Variants in TBCE observed in about 807,000 individuals in gnomAD.
The protein encoded by TBCE is tubulin-specific chaperone E.
In TBCE, 53 loss-of-function variants were observed where a neutral mutation model predicts 77.0. The ratio of observed to expected loss-of-function variants is 0.69; its 90% confidence interval spans 0.55 to 0.87. The LOEUF is 0.87. Among genes scored for constraint, TBCE ranks in the 40% least tolerant of loss-of-function variants. The pLI is 0.00. For synonymous variants in TBCE, 235 were observed against 241.3 expected, an observed-to-expected ratio of 0.97 and a Z score of 0.24; for missense variants, 624 against 622.4, an observed-to-expected ratio of 1.00 and a Z score of -0.03.
chr1:235,413,022 C>G (rs374618615), intron 3 of TBCE, among the ~76,000 whole-genome samples: 1 of 152,080 alleles, frequency 6.6e-6, no homozygotes, highest in Non-Finnish European at 1.5e-5. Flanking sequence ...AGGCTGATCT[C>G]GAACTCCTGA....
At chr1:235,436,028 T>A (rs1035068211) in intron 9 of TBCE, 188 bp downstream of exon 9, 20 of 628,352 alleles carry the variant, frequency 3.2e-5, no homozygotes, top group Non-Finnish European at 5.6e-5. Context: ...CCCTGTATAA[T>A]GTGGACTATG....
chr1:235,382,471 C>T (rs1157948454), intron 2 of TBCE, among the ~76,000 whole-genome samples: 2 of 152,116 alleles, frequency 1.3e-5, no homozygotes, highest in Non-Finnish European at 2.9e-5. Context: ...TCCTCTCCAG[C>T]ACCTGTTGTT....
At chr1:235,443,133 TTC>T (rs1394888779) in intron 15 of TBCE, among the ~76,000 whole-genome samples, 5 of 151,872 alleles carry the variant, frequency 3.3e-5, no homozygotes, top group South Asian at 4.2e-4. Context: ...CTGAAAGCAG[TTC>T]TGTTAAAATT....
intron 2 of TBCE, among the ~76,000 whole-genome samples, chr1:235,390,658 G>A (rs1678324756): frequency 6.6e-6 from 1 of 151,926 alleles, no homozygotes; most frequent in African/African-American, 2.4e-5. Context: ...CTACTTGGGA[G>A]GCTGAGGCAG....
At chr1:235,403,267 C>T (rs1352634739) in intron 3 of TBCE, among the ~76,000 whole-genome samples, 3 of 152,064 alleles carry the variant, frequency 2.0e-5, no homozygotes, top group Non-Finnish European at 2.9e-5. Context: ...AGTGCAGTGG[C>T]GTGATCTTGG....
At chr1:235,395,734 G>A (rs888432210) in intron 2 of TBCE, among the ~76,000 whole-genome samples, 1 of 151,700 alleles carries the variant, frequency 6.6e-6, no homozygotes, top group Non-Finnish European at 1.5e-5. Context: ...TAATGGAGAC[G>A]GGGATTTGCC....
rs1310470366 is a variant in TBCE at position 235,427,150 on chromosome 1, G to C, written c.471G>C (p.Lys157Asn). The change falls in exon 6 of 17, where the codon AAG becomes AAC. Residue 157 changes from lysine (K) to asparagine (N), a missense_variant. Coordinates refer to ENST00000642610, the MANE Select transcript of TBCE (RefSeq NM_003193.5). ...AACATGTGCTTTTAGATATCAGAAA[G>C]GTAGATTTGTCAAAAAACCTGTTGT... is the stretch of plus-strand genomic sequence containing the variant. ...GVAEACPNIR[K>N]VDLSKNLLSS... 3 of 1,611,514 alleles carry C rather than the reference G, an allele frequency of 1.9e-6. No homozygotes were observed.
chr1:235,447,422 G>A lies in TBCE; in HGVS notation c.1400-927G>A, dbSNP rs145164477. On this transcript the variant is annotated intron_variant, in intron 15 of 16. Transcript: ENST00000642610. ...CACTATTTACCACAACCCGTCTTTG[G>A]AAAGAAGTTCATAGTGTATTCTGAA... 6.7e-3 allele frequency among the ~76,000 whole-genome samples: 1,027 copies of A among 152,302 alleles called. 6 individuals carry two copies. Among genetic ancestry groups the A allele is most frequent in the Non-Finnish European group, 0.012 (804 of 68,026 alleles).
Position 235,437,487 on chromosome 1 carries a change from G to A in TBCE, c.1116+13G>A, listed in dbSNP as rs571251823. On this transcript the variant is annotated intron_variant, in intron 12 of 16. Coordinates refer to ENST00000642610, the MANE Select transcript of TBCE (RefSeq NM_003193.5). ...GAACAAATGTGAGGTGAGCACTGGC[G>A]TCATGACTAGATATTTTTTAGACTA... is the stretch of plus-strand genomic sequence containing the variant. The A allele has an allele frequency of 3.7e-6, 6 of 1,613,432 alleles. No homozygotes were observed. The highest frequency in any genetic ancestry group is 2.2e-5 in the East Asian group (1 of 44,862).
intron 4 of TBCE, chr1:235,414,924 A>G (rs148119233): frequency 1.4e-4 from 51 of 359,834 alleles, no homozygotes; most frequent in Admixed American, 1.6e-4. Flanking sequence ...GTTCTTTTCT[A>G]TTTCATGGTG....
Position 235,438,925 on chromosome 1 carries a change from AC to A in TBCE, c.1270+4del, listed in dbSNP as rs774067348. 2 of 1,614,058 alleles carry A rather than the reference AC, an allele frequency of 1.2e-6. No homozygotes were observed. Among genetic ancestry groups the A allele is most frequent in the Non-Finnish European group, 1.7e-6 (2 of 1,180,054 alleles). On this transcript the variant is annotated splice_donor_region_variant and intron_variant, in intron 13 of 16. Coordinates refer to ENST00000642610, the MANE Select transcript of TBCE (RefSeq NM_003193.5). ...CAGATACCAGTTCCTCTGCCTGAGT[AC>A]GTGCGTATACACTGGTGGCCTTCAG...
chr1:235,398,346 A>G lies in TBCE; in HGVS notation c.101-3157A>G, dbSNP rs1422978937. Among the ~76,000 whole-genome samples, 3 of 151,834 alleles carry G rather than the reference A, an allele frequency of 2.0e-5. No homozygotes were observed. In the East Asian group the frequency reaches 5.8e-4, roughly 29 times the overall value. Reference sequence around the variant, plus strand: ...TTTTTAGTAGAGATGGGGTTTTGCCATGTTGGTCAGGCTGGTCTCAAATTC... The same window carrying G: ...TTTTTAGTAGAGATGGGGTTTTGCCGTGTTGGTCAGGCTGGTCTCAAATTC... On this transcript the variant is annotated intron_variant, in intron 2 of 16. Coordinates refer to ENST00000642610, the MANE Select transcript of TBCE (RefSeq NM_003193.5).
chr1:235,413,374 A>G (rs986738288), intron 3 of TBCE, among the ~76,000 whole-genome samples: 1 of 151,772 alleles, frequency 6.6e-6, no homozygotes, highest in African/African-American at 2.4e-5. Flanking sequence ...AAAAAAAAAA[A>G]AAAAAAATTA....
At chr1:235,385,336 C>T (rs1226357149) in intron 2 of TBCE, among the ~76,000 whole-genome samples, 1 of 152,064 alleles carries the variant, frequency 6.6e-6, no homozygotes, top group Non-Finnish European at 1.5e-5. Context: ...ATTACGTCCG[C>T]TTGGTGCAGA....
intron 6 of TBCE, among the ~76,000 whole-genome samples, chr1:235,428,418 T>C (rs980764946): frequency 6.6e-6 from 1 of 152,078 alleles, no homozygotes; most frequent in Non-Finnish European, 1.5e-5. Context: ...AGAGAGCTGT[T>C]TTCCATCTTC....
At chr1:235,432,997 G>A (rs768605241) in intron 7 of TBCE, 96 of 1,507,686 alleles carry the variant, frequency 6.4e-5, no homozygotes, top group African/African-American at 2.7e-4. Context: ...GCAGAAAGAC[G>A]CCAGCAAGTT....
In TBCE at chr1:235,451,728, C is replaced by T. The variant is rs1558405860; in HGVS notation, c.*2966C>T. The T allele has an allele frequency of 6.6e-6, 1 of 152,132 alleles. No individual in the cohort carries two copies. The highest frequency in any genetic ancestry group is 1.5e-5 in the Non-Finnish European group (1 of 68,034). 9.4% of individuals were successfully genotyped at this position (152,132 alleles called of 1,614,324 possible). ...GGGACCCCAGCTCTATGCAGGGCTT[C>T]TAACTGACAGACACTGCATGTGCCT... On this transcript the variant is annotated 3_prime_UTR_variant, in exon 17 of 17. Transcript: ENST00000642610.
At chr1:235,380,229 T>G in intron 2 of TBCE, 80 bp downstream of exon 2, 3 of 1,420,722 alleles carry the variant, frequency 2.1e-6, no homozygotes, top group South Asian at 2.3e-5. Context: ...TGCAGCTGTT[T>G]CTGTGTAAGC....
intron 2 of TBCE, among the ~76,000 whole-genome samples, chr1:235,389,928 G>A (rs1177461155): frequency 6.6e-6 from 1 of 152,062 alleles, no homozygotes; most frequent in Non-Finnish European, 1.5e-5. Flanking sequence ...TTTGAGACCA[G>A]CCTGACCAAC....
Sources: gnomAD v4.1 joint callset for allele counts (sites outside exome capture counted in the v4.1 genomes callset) on GRCh38, gnomAD v4.1.1 for gene constraint, MANE v1.5 for transcripts, NCBI Gene and HGNC (gene_info 2026-07-23, HGNC 2026-07-21) for gene names.